The following GPR158 variants were observed in gnomAD, a reference collection of about 807,000 sequenced individuals.
GPR158 encodes metabotropic glycine receptor.
GPR158 carries 30 observed loss-of-function variants against 78.2 expected under a neutral mutation model. That is an observed-to-expected ratio of 0.38 (90% CI 0.29 to 0.52). GPR158 has a LOEUF of 0.52. Among genes scored for constraint, GPR158 ranks in the 20% least tolerant of loss-of-function variants. The pLI is 0.83. For missense variants in GPR158, 1,463 were observed against 1,523.5 expected (o/e 0.96, Z 0.66); for synonymous variants, 581 against 591.1 (o/e 0.98, Z 0.25).
intron 5 of GPR158, among the ~76,000 whole-genome samples, chr10:25,488,968 A>T (rs1033212040): frequency 1.1e-4 from 16 of 152,134 alleles, no homozygotes; most frequent in African/African-American, 3.1e-4. Context: ...TTACTCTAGG[A>T]TGCATTACCC....
intron 5 of GPR158, among the ~76,000 whole-genome samples, chr10:25,499,233 T>C (rs573771452): frequency 6.6e-6 from 1 of 152,248 alleles, no homozygotes; most frequent in Non-Finnish European, 1.5e-5. Flanking sequence ...CATCGCAATT[T>C]CCAGAGTCTG....
At chr10:25,588,033 G>C (rs1372694215) in intron 7 of GPR158, among the ~76,000 whole-genome samples, 1 of 152,236 alleles carries the variant, frequency 6.6e-6, no homozygotes, top group East Asian at 1.9e-4. Context: ...AAAATGGGTT[G>C]TATAGATTAT....
intron 5 of GPR158, among the ~76,000 whole-genome samples, chr10:25,507,798 AG>A (rs1321363191): frequency 1.3e-5 from 2 of 152,258 alleles, no homozygotes; most frequent in Non-Finnish European, 2.9e-5. Flanking sequence ...GACACACAAA[AG>A]AAGTCAAAGA....
At chr10:25,282,455 G>T (rs1029859129) in intron 2 of GPR158, among the ~76,000 whole-genome samples, 3 of 152,090 alleles carry the variant, frequency 2.0e-5, no homozygotes, top group Admixed American at 1.3e-4. Flanking sequence ...ACAGGTTTTT[G>T]TGTCAACATA....
intron 2 of GPR158, among the ~76,000 whole-genome samples, chr10:25,266,693 C>A (rs945234180): frequency 4.6e-5 from 7 of 151,938 alleles, no homozygotes; most frequent in African/African-American, 1.7e-4. Context: ...CAAATAAATT[C>A]TATAAATAGT....
chr10:25,489,415 T>C (rs1362736751), intron 5 of GPR158, among the ~76,000 whole-genome samples: 1 of 152,198 alleles, frequency 6.6e-6, no homozygotes, highest in African/African-American at 2.4e-5. Context: ...TTTCATATTG[T>C]ATGAATGGCT....
Position 25,599,399 on chromosome 10 carries a change from G to C in GPR158, c.*125G>C. ...AAAACATGACAGATGGTGAGGTAAA[G>C]TCAAAGGCATGGGTAGAAGAGGACC... On this transcript the variant is annotated 3_prime_UTR_variant, in exon 11 of 11. Transcript: ENST00000376351. 1 of 750,744 alleles carries C rather than the reference G, an allele frequency of 1.3e-6. No individual in the cohort carries two copies. The highest frequency in any genetic ancestry group is 2.1e-6 in the Non-Finnish European group (1 of 468,352). 46.5% of individuals were successfully genotyped at this position (750,744 alleles called of 1,614,324 possible). A position where few individuals can be genotyped will look rare whatever the true frequency, so the allele number is the denominator to read the frequency against.
chr10:25,455,882 CT>C (rs1423598129), intron 4 of GPR158, among the ~76,000 whole-genome samples: 1 of 152,054 alleles, frequency 6.6e-6, no homozygotes, highest in African/African-American at 2.4e-5. Flanking sequence ...ACACTTTGTC[CT>C]TTGGCAGACA....
chr10:25,398,751 G>A (rs905916954), intron 3 of GPR158, among the ~76,000 whole-genome samples: 3 of 152,162 alleles, frequency 2.0e-5, no homozygotes, highest in African/African-American at 7.2e-5. Flanking sequence ...ATGAAAGAGA[G>A]GCCACTCTTT....
intron 5 of GPR158, among the ~76,000 whole-genome samples, chr10:25,473,372 G>T (rs1209709286): frequency 6.6e-6 from 1 of 152,066 alleles, no homozygotes; most frequent in Non-Finnish European, 1.5e-5. Context: ...TTTTATTGAG[G>T]ATTTTTGCAT....
intron 2 of GPR158, among the ~76,000 whole-genome samples, chr10:25,334,988 G>C (rs1855177631): frequency 6.6e-6 from 1 of 151,970 alleles, no homozygotes; most frequent in Non-Finnish European, 1.5e-5. Context: ...CATAGTGAAT[G>C]CAAATCTTTG....
chr10:25,241,753 AT>A (rs1281254054), intron 2 of GPR158, among the ~76,000 whole-genome samples: 1 of 152,090 alleles, frequency 6.6e-6, no homozygotes, highest in Non-Finnish European at 1.5e-5. Context: ...AGATAACTCT[AT>A]TCTACTTCCT....
chr10:25,419,585 G>A (rs954878265), intron 4 of GPR158, among the ~76,000 whole-genome samples: 2 of 152,210 alleles, frequency 1.3e-5, no homozygotes, highest in South Asian at 4.1e-4. Flanking sequence ...TTTCACAGAG[G>A]CCCCACCATT....
At chr10:25,483,025 T>A (rs978394959) in intron 5 of GPR158, among the ~76,000 whole-genome samples, 1 of 152,068 alleles carries the variant, frequency 6.6e-6, no homozygotes, top group African/African-American at 2.4e-5. Context: ...TTCACTGTTA[T>A]CACTCCTGCC....
At chr10:25,350,393 C>T (rs147601998) in intron 2 of GPR158, among the ~76,000 whole-genome samples, 1 of 152,100 alleles carries the variant, frequency 6.6e-6, no homozygotes, top group Non-Finnish European at 1.5e-5. Flanking sequence ...CTCTAATATA[C>T]ATTGTCAATA....
intron 5 of GPR158, among the ~76,000 whole-genome samples, chr10:25,538,668 C>T (rs184092398): frequency 2.0e-5 from 3 of 152,274 alleles, no homozygotes; most frequent in Admixed American, 1.3e-4. Flanking sequence ...TGTCACGGTG[C>T]CTGGCTACAC....
At chr10:25,323,493 TTAGTG>T (rs1483642583) in intron 2 of GPR158, among the ~76,000 whole-genome samples, 1 of 152,086 alleles carries the variant, frequency 6.6e-6, no homozygotes, top group Non-Finnish European at 1.5e-5. Flanking sequence ...GATCTGTTCT[TTAGTG>T]TAGCTACTTT....
chr10:25,452,341 T>C (rs1373096819), intron 4 of GPR158, among the ~76,000 whole-genome samples: 1 of 152,208 alleles, frequency 6.6e-6, no homozygotes, highest in Non-Finnish European at 1.5e-5. Flanking sequence ...CCACGATACC[T>C]GGCCAAAATT....
intron 4 of GPR158, among the ~76,000 whole-genome samples, chr10:25,412,799 T>A (rs1332381346): frequency 6.6e-6 from 1 of 152,230 alleles, no homozygotes; most frequent in East Asian, 1.9e-4. Context: ...TATTATTAAT[T>A]TTTTTGTATC....
Sources: gnomAD v4.1 joint callset for allele counts (sites outside exome capture counted in the v4.1 genomes callset) on GRCh38, gnomAD v4.1.1 for gene constraint, MANE v1.5 for transcripts, NCBI Gene and HGNC (gene_info 2026-07-23, HGNC 2026-07-21) for gene names.